Variants in CDK14 observed in about 807,000 individuals in gnomAD.
CDK14 encodes the protein cyclin dependent kinase 14.
A neutral mutation model predicts 60.7 loss-of-function variants in CDK14; 34 were observed. That is an observed-to-expected ratio of 0.56 (90% confidence interval 0.43 to 0.75). The LOEUF (loss-of-function observed/expected upper bound fraction) is 0.75. Ranked by LOEUF, CDK14 falls within the 30% of genes least tolerant of loss-of-function variation. The pLI is 0.00. For synonymous variants in CDK14, 197 were observed against 203.7 expected (o/e 0.97, Z 0.28); for missense variants, 482 against 564.1 (o/e 0.85, Z 1.47).
rs140679817 is a variant in CDK14 at position 90,726,592 on chromosome 7, G to A, written c.149G>A (p.Arg50Gln). The A allele has an allele frequency of 2.0e-5, 32 of 1,613,396 alleles. No homozygotes were observed. The highest frequency in any genetic ancestry group is 1.5e-4 in the South Asian group (14 of 91,060). Residue 50 changes from arginine to glutamine, a missense_variant, in exon 3 of 15, where the codon CGG becomes CAG. Physicochemically the swap from Arg to Gln is conservative, Grantham distance 43. Transcript: ENST00000380050. ...ATATGTGTCACAAAGATGTCTACAC[G>A]GAACTGCCAGGGAATGGACTCAGTG... ...DEICVTKMSTRNCQGMDSVIK... is the reference protein window; with the variant it reads ...DEICVTKMSTQNCQGMDSVIK...
At chr7:90,932,284 T>A (rs1793618351) in intron 8 of CDK14, among the ~76,000 whole-genome samples, 1 of 152,166 alleles carries the variant, frequency 6.6e-6, no homozygotes, top group Non-Finnish European at 1.5e-5. Flanking sequence ...ACGGGCAGAT[T>A]GCTTGAGCCC....
intron 13 of CDK14, among the ~76,000 whole-genome samples, 179 bp downstream of exon 13, chr7:91,112,860 G>T (rs538028601): frequency 6.6e-6 from 1 of 151,544 alleles, no homozygotes; most frequent in East Asian, 1.9e-4. Context: ...TGTGGAGAGA[G>T]AGAGAGAGAG....
At chr7:91,055,763 G>T (rs1797530169) in intron 11 of CDK14, among the ~76,000 whole-genome samples, 1 of 152,142 alleles carries the variant, frequency 6.6e-6, no homozygotes, top group East Asian at 1.9e-4. Context: ...TTGAAGAAAA[G>T]AATTTAACTT....
chr7:90,598,961 C>T (rs187632483), intron 1 of CDK14, among the ~76,000 whole-genome samples: 1 of 152,016 alleles, frequency 6.6e-6, no homozygotes, highest in South Asian at 2.1e-4. Context: ...GCCTCGGCCT[C>T]CCAAAGTGCT....
At chr7:90,862,699 C>T (rs143885114) in intron 5 of CDK14, among the ~76,000 whole-genome samples, 1 of 152,228 alleles carries the variant, frequency 6.6e-6, no homozygotes. Flanking sequence ...CACCCAACAT[C>T]AGCAGAATTC....
At chr7:90,729,707 T>C (rs62469743) in intron 3 of CDK14, among the ~76,000 whole-genome samples, 12,924 of 151,808 alleles carry the variant, frequency 0.085, 630 homozygotes, top group South Asian at 0.11. Flanking sequence ...CTTTGCTTTC[T>C]TTTTATTTTA....
intron 12 of CDK14, among the ~76,000 whole-genome samples, chr7:91,094,928 G>A (rs1382678133): frequency 5.9e-5 from 9 of 152,248 alleles, no homozygotes; most frequent in East Asian, 3.9e-4. Context: ...CATTTACTGC[G>A]GATGTCCCTG....
At chr7:91,109,547 A>G (rs1178093996) in intron 12 of CDK14, among the ~76,000 whole-genome samples, 1 of 152,162 alleles carries the variant, frequency 6.6e-6, no homozygotes, top group Non-Finnish European at 1.5e-5. Flanking sequence ...AAAGAGAAAA[A>G]AGGTAAAGGC....
intron 14 of CDK14, among the ~76,000 whole-genome samples, chr7:91,178,451 A>G (rs1193692983): frequency 7.2e-6 from 1 of 139,860 alleles, no homozygotes; most frequent in African/African-American, 2.6e-5. Flanking sequence ...AAAAGCCAAA[A>G]TTGACAAATG....
At chr7:90,849,994 G>A (rs1370330261) in intron 5 of CDK14, among the ~76,000 whole-genome samples, 1 of 151,968 alleles carries the variant, frequency 6.6e-6, no homozygotes, top group Non-Finnish European at 1.5e-5. Context: ...AATCTGAAAT[G>A]TGTGTGGAAA....
At chr7:90,974,341 T>C (rs1418447810) in intron 9 of CDK14, among the ~76,000 whole-genome samples, 1 of 152,152 alleles carries the variant, frequency 6.6e-6, no homozygotes, top group East Asian at 1.9e-4. Flanking sequence ...AACGCAATCA[T>C]CACAGGGTCC....
At chr7:91,104,147 T>C (rs532625813) in intron 12 of CDK14, among the ~76,000 whole-genome samples, 93 of 152,268 alleles carry the variant, frequency 6.1e-4, no homozygotes, top group African/African-American at 2.0e-3. Flanking sequence ...AACAGTCTCT[T>C]GTCCCACATA....
At position 91,178,918 on chromosome 7, in the gene CDK14, G is replaced by C. The variant is rs1364023135; in HGVS notation, c.*29-28247G>C. On this transcript the variant is annotated intron_variant, in intron 14 of 14. Coordinates refer to ENST00000380050, the MANE Select transcript of CDK14 (RefSeq NM_001287135.2). ...AGTGTGGCGATTCCTCAGGGATCTA[G>C]AACTAGAAATACCATTTGACCCAGC... Among the ~76,000 whole-genome samples, 7 of 152,162 alleles carry C rather than the reference G, an allele frequency of 4.6e-5. No individual in the cohort carries two copies. The East Asian group carries it at 1.2e-3, about 25-fold the overall frequency.
At chr7:90,808,155 C>T (rs1285605806) in intron 5 of CDK14, among the ~76,000 whole-genome samples, 13 of 152,096 alleles carry the variant, frequency 8.5e-5, no homozygotes, top group Admixed American at 7.9e-4. Flanking sequence ...CTCCAAGACA[C>T]ATAATTGTCA....
intron 14 of CDK14, among the ~76,000 whole-genome samples, chr7:91,182,702 C>T (rs954906960): frequency 7.2e-5 from 11 of 152,196 alleles, no homozygotes; most frequent in African/African-American, 2.6e-4. Context: ...TATGCACCTA[C>T]CACCTGCCAT....
Position 91,207,666 on chromosome 7 carries a change from T to C in CDK14, c.*530T>C, listed in dbSNP as rs552770980. On this transcript the variant is annotated 3_prime_UTR_variant, in exon 15 of 15. Transcript: ENST00000380050. ...TAAAGCAAACCCCTGTTCTCTGACTTGACAACTTGGCCCCGGACTGTGGGG... is the reference window on the plus strand; with the variant it reads ...TAAAGCAAACCCCTGTTCTCTGACTCGACAACTTGGCCCCGGACTGTGGGG... The C allele has an allele frequency of 6.5e-6, 1 of 152,774 alleles. No homozygotes were observed. The highest frequency in any genetic ancestry group is 2.1e-4 in the South Asian group (1 of 4,830). The allele number at this position is 152,774 out of a possible 1,614,324, so 9.5% of individuals were successfully genotyped here. A position where few individuals can be genotyped will look rare whatever the true frequency, so the allele number is the denominator to read the frequency against.
chr7:91,191,017 C>T (rs946179889), intron 14 of CDK14, among the ~76,000 whole-genome samples: 1 of 152,128 alleles, frequency 6.6e-6, no homozygotes, highest in African/African-American at 2.4e-5. Flanking sequence ...TGAGGAGGGT[C>T]GCAAACTTCA....
intron 14 of CDK14, among the ~76,000 whole-genome samples, chr7:91,188,125 T>A (rs948133099): frequency 6.6e-6 from 1 of 152,216 alleles, no homozygotes; most frequent in Non-Finnish European, 1.5e-5. Context: ...CAAGGACTTC[T>A]GTACCATCGC....
rs1307598440 is a variant in CDK14 at position 91,210,205 on chromosome 7, C to T, written c.*3069C>T. ...TTGTACTTTTCTCATACACCAAAAA[C>T]ACACCAAAAAAATCAATAAAATAAG... On this transcript the variant is annotated 3_prime_UTR_variant, in exon 15 of 15. Coordinates refer to ENST00000380050, the MANE Select transcript of CDK14 (RefSeq NM_001287135.2). The T allele has an allele frequency of 6.6e-6, 1 of 152,576 alleles. No homozygotes were observed. Among genetic ancestry groups the T allele is most frequent in the Non-Finnish European group, 1.5e-5 (1 of 68,028 alleles). The allele number at this position is 152,576 out of a possible 1,614,324, so 9.5% of individuals were successfully genotyped here.
Sources: gnomAD v4.1 joint callset for allele counts (sites outside exome capture counted in the v4.1 genomes callset) on GRCh38, gnomAD v4.1.1 for gene constraint, MANE v1.5 for transcripts, NCBI Gene and HGNC (gene_info 2026-07-23, HGNC 2026-07-21) for gene names.